The following EML4 variants were observed in gnomAD, a reference collection of about 807,000 sequenced individuals.
The protein encoded by EML4 is echinoderm microtubule-associated protein-like 4.
EML4 carries 72 observed loss-of-function variants against 129.0 expected under a neutral mutation model. That is an observed-to-expected ratio of 0.56 (90% confidence interval 0.46 to 0.68). EML4 has a LOEUF of 0.68. Among genes scored for constraint, EML4 ranks in the 30% least tolerant of loss-of-function variants. The pLI is 0.00. For synonymous variants in EML4, 532 were observed against 405.0 expected, an observed-to-expected ratio of 1.31 and a Z score of -3.77; for missense variants, 1,363 against 1,190.6, an observed-to-expected ratio of 1.14 and a Z score of -2.13.
At chr2:42,287,096 C>T (rs13394134) in intron 10 of EML4, among the ~76,000 whole-genome samples, 46,899 of 151,928 alleles carry the variant, frequency 0.31, 8,130 homozygotes, top group African/African-American at 0.47. Flanking sequence ...TTTATGTGAC[C>T]TCAGTTATAT....
chr2:42,202,059 G>A (rs1672265740), intron 1 of EML4, among the ~76,000 whole-genome samples: 1 of 151,886 alleles, frequency 6.6e-6, no homozygotes, highest in Non-Finnish European at 1.5e-5. Flanking sequence ...CTCCAGCCTG[G>A]GTGACAGAGT....
intron 5 of EML4, among the ~76,000 whole-genome samples, chr2:42,264,138 G>T (rs1472713514): frequency 1.8e-5 from 2 of 111,636 alleles, no homozygotes; most frequent in Non-Finnish European, 3.5e-5. Context: ...TTGAGACAGT[G>T]TCTCAGTCGT....
chr2:42,235,373 T>C (rs1674602330), intron 1 of EML4, among the ~76,000 whole-genome samples: 1 of 112,666 alleles, frequency 8.9e-6, no homozygotes, highest in African/African-American at 3.7e-5. Context: ...GGCGCGAGAA[T>C]TACTTGAGCA....
Position 42,263,250 on chromosome 2 carries a change from G to C in EML4, c.585G>C (p.Leu195Phe). ...WENSDDSRNK[L>F]SKIPSTPKLI... ...ATTCAGATGATAGCCGTAATAAATT[G>C]TCGAAAATACCTTCAACACCCAAAT... is the stretch of plus-strand genomic sequence containing the variant. Residue 195 changes from leucine to phenylalanine, a missense_variant, in exon 5 of 23, where the codon TTG becomes TTC. By Grantham distance (22) the Leu-to-Phe change is conservative (BLOSUM62 0). Coordinates refer to ENST00000318522, the MANE Select transcript of EML4 (RefSeq NM_019063.5). 2 of 1,613,430 alleles carry C rather than the reference G, an allele frequency of 1.2e-6. No individual in the cohort carries two copies. Among genetic ancestry groups the C allele is most frequent in the Non-Finnish European group, 1.7e-6 (2 of 1,179,774 alleles).
intron 1 of EML4, among the ~76,000 whole-genome samples, chr2:42,221,946 G>C (rs1268488235): frequency 6.6e-6 from 1 of 152,014 alleles, no homozygotes; most frequent in Non-Finnish European, 1.5e-5. Context: ...ATGTTGCCCA[G>C]GGTGGTCTCG....
intron 2 of EML4, among the ~76,000 whole-genome samples, chr2:42,250,286 A>G (rs1675677991): frequency 6.6e-6 from 1 of 152,216 alleles, no homozygotes; most frequent in Non-Finnish European, 1.5e-5. Context: ...CAAAAGAAAC[A>G]TTGCTAATTA....
chr2:42,269,778 C>G (rs1666266916), intron 6 of EML4, among the ~76,000 whole-genome samples: 1 of 152,122 alleles, frequency 6.6e-6, no homozygotes, highest in African/African-American at 2.4e-5. Flanking sequence ...GGTCATTCAT[C>G]ATAGAGTACA....
chr2:42,316,025 G>C lies in EML4; in HGVS notation c.2031G>C (p.Gln677His). The change falls in exon 18 of 23, where the codon CAG becomes CAC. Residue 677 changes from glutamine to histidine, a missense_variant. Physicochemically the swap from Gln to His is conservative, Grantham distance 24. Coordinates refer to ENST00000318522, the MANE Select transcript of EML4 (RefSeq NM_019063.5). ...LVSIHTDGNE[Q>H]LSVMRYSIDG... ...CTATCCACACAGACGGGAATGAACA[G>C]CTCTCTGTGATGCGCTACTCAATAG... 2 of 1,613,672 alleles carry C rather than the reference G, an allele frequency of 1.2e-6. No homozygotes were observed. The highest frequency in any genetic ancestry group is 2.2e-5 in the East Asian group (1 of 44,876).
intron 1 of EML4, among the ~76,000 whole-genome samples, chr2:42,235,101 G>C (rs1451173793): frequency 6.6e-6 from 1 of 152,182 alleles, no homozygotes; most frequent in East Asian, 1.9e-4. Context: ...TTTGAGACAA[G>C]CCTGGCCAAC....
intron 1 of EML4, among the ~76,000 whole-genome samples, chr2:42,193,306 G>C (rs895847065): frequency 1.2e-4 from 19 of 152,172 alleles, no homozygotes; most frequent in Non-Finnish European, 5.9e-5. Flanking sequence ...CAATGAAATT[G>C]CCTGTGATGC....
At chr2:42,265,326 A>G (rs1665995734) in intron 6 of EML4, among the ~76,000 whole-genome samples, 1 of 152,124 alleles carries the variant, frequency 6.6e-6, no homozygotes, top group Non-Finnish European at 1.5e-5. Context: ...GCTGGCTGCA[A>G]ACTCCTGACC....
chr2:42,214,709 T>C (rs1386319272), intron 1 of EML4, among the ~76,000 whole-genome samples: 5 of 152,182 alleles, frequency 3.3e-5, no homozygotes, highest in African/African-American at 9.7e-5. Context: ...ACCTTTTGCA[T>C]GTCTGGTGCG....
At position 42,295,523 on chromosome 2, in the gene EML4, T is replaced by C. The variant is rs1667897436; in HGVS notation, c.1489+7T>C. ...CCTGGGAAAGGACCTAAAGGTACAG[T>C]ATTCTTATATTAAACTCATTTCTGG... is the stretch of plus-strand genomic sequence containing the variant. On this transcript the variant is annotated splice_region_variant and intron_variant, in intron 13 of 22. Coordinates refer to ENST00000318522, the MANE Select transcript of EML4 (RefSeq NM_019063.5). The C allele has an allele frequency of 6.2e-7, 1 of 1,606,648 alleles. No individual in the cohort carries two copies. Among genetic ancestry groups the C allele is most frequent in the African/African-American group, 1.3e-5 (1 of 74,430 alleles).
chr2:42,257,425 C>T (rs2104362481), intron 3 of EML4, among the ~76,000 whole-genome samples: 1 of 152,198 alleles, frequency 6.6e-6, no homozygotes, highest in African/African-American at 2.4e-5. Context: ...AAATGCTTAC[C>T]TCAATAAACT....
chr2:42,299,462 C>T (rs1018280985), intron 13 of EML4, among the ~76,000 whole-genome samples: 2 of 152,152 alleles, frequency 1.3e-5, no homozygotes, highest in African/African-American at 2.4e-5. Flanking sequence ...CAAGGTTGTG[C>T]AGCCATCACC....
intron 11 of EML4, among the ~76,000 whole-genome samples, chr2:42,290,806 TAA>T (rs1402674907): frequency 6.6e-6 from 1 of 151,888 alleles, no homozygotes; most frequent in Non-Finnish European, 1.5e-5. Flanking sequence ...TGACAGAAAT[TAA>T]AGAGGAGGGA....
rs771009098 is a variant in EML4 at position 42,282,913 on chromosome 2, A to G, written c.882A>G (p.Leu294=). The part of the protein sequence containing the change: ...IVYFIASVVV[L]FNYEERTQRH... ...ATTTCATTGCATCAGTAGTAGTACT[A>G]TTTAATTATGAGGAGAGAACTCAGC... The change falls in exon 8 of 23, where the codon CTA becomes CTG. Residue 294 remains leucine (L), a synonymous_variant. Coordinates refer to ENST00000318522, the MANE Select transcript of EML4 (RefSeq NM_019063.5). 48 of 1,612,960 alleles carry G rather than the reference A, an allele frequency of 3.0e-5. No individual in the cohort carries two copies. Among genetic ancestry groups the G allele is most frequent in the Non-Finnish European group, 3.8e-5 (45 of 1,179,064 alleles).
intron 19 of EML4, among the ~76,000 whole-genome samples, chr2:42,319,276 T>C (rs1255835031): frequency 1.3e-5 from 2 of 152,170 alleles, no homozygotes; most frequent in Non-Finnish European, 2.9e-5. Context: ...TATTTTACTG[T>C]ACAACTGATC....
chr2:42,299,136 G>A (rs1668128405), intron 13 of EML4, among the ~76,000 whole-genome samples: 1 of 152,168 alleles, frequency 6.6e-6, no homozygotes, highest in African/African-American at 2.4e-5. Flanking sequence ...TGAACAGCAA[G>A]TTTGTTGGAG....
Sources: allele counts gnomAD v4.1 joint callset (sites outside exome capture counted in the v4.1 genomes callset), GRCh38; gene constraint gnomAD v4.1.1; transcripts MANE v1.5; gene names NCBI Gene and HGNC (gene_info 2026-07-23, HGNC 2026-07-21).